The following KCTD8 variants were observed in gnomAD, a reference collection of about 807,000 sequenced individuals.
KCTD8 encodes the protein BTB/POZ domain-containing protein KCTD8.
Under a neutral mutation model 31.5 loss-of-function variants are expected in KCTD8, and 27 were observed. The ratio of observed to expected loss-of-function variants is 0.86; its 90% CI spans 0.63 to 1.18. KCTD8 has a LOEUF of 1.18. KCTD8 is among the 50% of genes most tolerant of loss of function. The probability of loss-of-function intolerance (pLI) is 0.00; values close to 1 mark genes in which losing one functional copy is unlikely to be tolerated. For missense variants in KCTD8, 658 were observed against 647.7 expected (o/e 1.02, Z -0.17); for synonymous variants, 290 against 280.0 (o/e 1.04, Z -0.36).
At chr4:44,355,205 G>A (rs1448834579) in intron 1 of KCTD8, among the ~76,000 whole-genome samples, 1 of 152,066 alleles carries the variant, frequency 6.6e-6, no homozygotes, top group Non-Finnish European at 1.5e-5. Context: ...TATTATTGTT[G>A]AAAGAGAATT....
At chr4:44,277,544 A>T (rs1331429802) in intron 1 of KCTD8, among the ~76,000 whole-genome samples, 1 of 151,776 alleles carries the variant, frequency 6.6e-6, no homozygotes, top group Non-Finnish European at 1.5e-5. Context: ...TCATTCATTC[A>T]TTCATTCATT....
At chr4:44,411,960 G>A (rs1720970949) in intron 1 of KCTD8, among the ~76,000 whole-genome samples, 1 of 152,054 alleles carries the variant, frequency 6.6e-6, no homozygotes, top group Non-Finnish European at 1.5e-5. Context: ...CTGTTTTAAG[G>A]CACCCAGTTT....
rs142215492 is a variant in KCTD8, at chr4:44,227,896, A to G, written c.962-52646T>C. Among the ~76,000 whole-genome samples the G allele has an allele frequency of 8.6e-3, 1,316 of 152,270 alleles. 17 individuals are homozygous for G. Among genetic ancestry groups the G allele is most frequent in the African/African-American group, 0.03 (1,252 of 41,532 alleles). On this transcript the variant is annotated intron_variant, in intron 1 of 1. Coordinates refer to ENST00000360029, the MANE Select transcript of KCTD8 (RefSeq NM_198353.3). ...AAATCACCGTCCTATTTATTCTAAT[A>G]TATTTCATACTCCTGTCATTCTTGT...
chr4:44,354,805 T>C (rs1486484459), intron 1 of KCTD8, among the ~76,000 whole-genome samples: 1 of 152,062 alleles, frequency 6.6e-6, no homozygotes, highest in Admixed American at 6.6e-5. Flanking sequence ...AGATACAGTA[T>C]AAATTCCCCA....
intron 1 of KCTD8, among the ~76,000 whole-genome samples, chr4:44,360,576 G>A (rs1008992947): frequency 2.6e-5 from 4 of 151,968 alleles, no homozygotes; most frequent in Admixed American, 6.5e-5. Flanking sequence ...CTTATTAAAT[G>A]AACAGAGAAT....
At chr4:44,266,591 A>T (rs1032851683) in intron 1 of KCTD8, among the ~76,000 whole-genome samples, 2 of 151,416 alleles carry the variant, frequency 1.3e-5, no homozygotes, top group East Asian at 1.9e-4. Flanking sequence ...TAAAAGACAC[A>T]GACTGGCAAA....
At chr4:44,285,957 A>C (rs1717056073) in intron 1 of KCTD8, among the ~76,000 whole-genome samples, 1 of 152,250 alleles carries the variant, frequency 6.6e-6, no homozygotes, top group South Asian at 2.1e-4. Context: ...TAAAAGATTA[A>C]ATAAATTTAA....
chr4:44,376,491 T>A (rs547146892), intron 1 of KCTD8, among the ~76,000 whole-genome samples: 14 of 152,318 alleles, frequency 9.2e-5, no homozygotes, highest in African/African-American at 3.4e-4. Flanking sequence ...TTATAAAGTT[T>A]ATTTTCTTTA....
Position 44,268,416 on chromosome 4 carries a change from G to A in KCTD8, c.962-93166C>T, listed in dbSNP as rs371258860. ...TCTCAAAATAATAAGAGCTATCTAG[G>A]ACAAACCCACAGCCAATATCATACT... On this transcript the variant is annotated intron_variant, in intron 1 of 1. Coordinates refer to ENST00000360029, the MANE Select transcript of KCTD8 (RefSeq NM_198353.3). 9.2e-5 allele frequency among the ~76,000 whole-genome samples: 14 copies of A among 152,138 alleles called. No individual in the cohort carries two copies. The East Asian group carries it at 1.7e-3, about 19-fold the overall frequency.
In KCTD8 at chr4:44,256,891, C is replaced by G. The variant is rs561525959; in HGVS notation, c.962-81641G>C. On this transcript the variant is annotated intron_variant, in intron 1 of 1. Transcript: ENST00000360029. ...TATTAAATTTGTATTGTTGAAGCCA[C>G]TGAATCTGTGGTTATTTGTTATAGG... Among the ~76,000 whole-genome samples the G allele has an allele frequency of 2.0e-5, 3 of 152,104 alleles. No homozygotes were observed. The South Asian group carries it at 6.2e-4, about 32-fold the overall frequency.
intron 1 of KCTD8, among the ~76,000 whole-genome samples, chr4:44,391,616 C>T (rs1198902145): frequency 6.6e-6 from 1 of 151,382 alleles, no homozygotes; most frequent in Non-Finnish European, 1.5e-5. Flanking sequence ...ATACATATAA[C>T]ATAAAAACTA....
chr4:44,300,435 G>A (rs1264313605), intron 1 of KCTD8, among the ~76,000 whole-genome samples: 1 of 151,482 alleles, frequency 6.6e-6, no homozygotes, highest in Non-Finnish European at 1.5e-5. Flanking sequence ...TCTATTAAAA[G>A]GTTACGGAAA....
chr4:44,291,950 T>C (rs560747769), intron 1 of KCTD8, among the ~76,000 whole-genome samples: 3 of 126,040 alleles, frequency 2.4e-5, no homozygotes, highest in African/African-American at 6.5e-5. Context: ...CCAGTCAGAT[T>C]GGCTATTATG....
chr4:44,181,298 C>G (rs149549223), intron 1 of KCTD8, among the ~76,000 whole-genome samples: 4,290 of 151,794 alleles, frequency 0.028, 82 homozygotes, highest in Middle Eastern at 0.088. Context: ...GATGCCGAGC[C>G]GAGGCTGGAC....
intron 1 of KCTD8, among the ~76,000 whole-genome samples, chr4:44,247,488 G>A (rs1288656748): frequency 1.3e-5 from 2 of 151,790 alleles, no homozygotes; most frequent in Non-Finnish European, 2.9e-5. Flanking sequence ...TTTAACATGA[G>A]ATCTACCCTG....
At chr4:44,261,603 C>T (rs1716167100) in intron 1 of KCTD8, among the ~76,000 whole-genome samples, 2 of 151,854 alleles carry the variant, frequency 1.3e-5, no homozygotes, top group Admixed American at 1.3e-4. Flanking sequence ...TCTCATACCC[C>T]CAACCCCTGG....
At chr4:44,201,614 T>A (rs566615626) in intron 1 of KCTD8, among the ~76,000 whole-genome samples, 1 of 151,892 alleles carries the variant, frequency 6.6e-6, no homozygotes, top group Admixed American at 6.6e-5. Flanking sequence ...GAGAATTACA[T>A]TGGACTCTAC....
intron 1 of KCTD8, among the ~76,000 whole-genome samples, chr4:44,399,942 C>G (rs1176375844): frequency 1.3e-5 from 2 of 152,132 alleles, no homozygotes; most frequent in Non-Finnish European, 2.9e-5. Context: ...GTTTCTGAAA[C>G]AACTTTGGAT....
chr4:44,182,433 T>C (rs1713452771), intron 1 of KCTD8, among the ~76,000 whole-genome samples: 1 of 152,262 alleles, frequency 6.6e-6, no homozygotes, highest in South Asian at 2.1e-4. Context: ...CTTCACTTTG[T>C]TCTGTACTAA....
Sources: allele counts gnomAD v4.1 joint callset (sites outside exome capture counted in the v4.1 genomes callset), GRCh38; gene constraint gnomAD v4.1.1; transcripts MANE v1.5; gene names NCBI Gene and HGNC (gene_info 2026-07-23, HGNC 2026-07-21).